PREX2: variants seen among roughly 807,000 people sequenced by gnomAD.
PREX2 encodes phosphatidylinositol 3,4,5-trisphosphate-dependent Rac exchanger 2 protein.
A neutral mutation model predicts 203.2 loss-of-function variants in PREX2; 107 were observed. The ratio of observed to expected loss-of-function variants is 0.53; its 90% CI spans 0.45 to 0.62. PREX2 has a LOEUF of 0.62. Among genes scored for constraint, PREX2 ranks in the 20% least tolerant of loss-of-function variants. The probability of loss-of-function intolerance (pLI) is 0.00; values close to 1 mark genes in which losing one functional copy is unlikely to be tolerated. For synonymous variants in PREX2, 672 were observed against 663.6 expected (o/e 1.01, Z -0.19); for missense variants, 1,777 against 1,955.9 (o/e 0.91, Z 1.72).
intron 35 of PREX2, among the ~76,000 whole-genome samples, chr8:68,160,576 T>G (rs1196675754): frequency 6.6e-6 from 1 of 152,150 alleles, no homozygotes; most frequent in Non-Finnish European, 1.5e-5. Flanking sequence ...ATAAGCCTAA[T>G]ATGTCTGTCT....
At chr8:67,987,912 A>AGT (rs71253049) in intron 1 of PREX2, among the ~76,000 whole-genome samples, 207 of 150,904 alleles carry the variant, frequency 1.4e-3, no homozygotes, top group East Asian at 6.1e-3. Flanking sequence ...GCAGCCAGGG[A>AGT]GTGTGTGTGT....
intron 15 of PREX2, among the ~76,000 whole-genome samples, chr8:68,079,351 C>CA (rs1221266178): frequency 6.6e-6 from 1 of 152,174 alleles, no homozygotes; most frequent in Non-Finnish European, 1.5e-5. Flanking sequence ...ATAATGAAAC[C>CA]AAATAGCTAT....
At chr8:68,098,260 A>G (rs1400298620) in intron 22 of PREX2, among the ~76,000 whole-genome samples, 5 of 152,170 alleles carry the variant, frequency 3.3e-5, no homozygotes, top group Non-Finnish European at 7.4e-5. Context: ...TCCTACCTTT[A>G]TGTCTCTGTT....
At chr8:68,104,178 T>C (rs1050722699) in intron 23 of PREX2, among the ~76,000 whole-genome samples, 12 of 152,172 alleles carry the variant, frequency 7.9e-5, no homozygotes, top group African/African-American at 2.9e-4. Flanking sequence ...CTTTCCTCCC[T>C]ACCTCTACTG....
intron 1 of PREX2, among the ~76,000 whole-genome samples, chr8:67,996,538 G>A (rs1426043099): frequency 6.6e-6 from 1 of 151,868 alleles, no homozygotes; most frequent in Non-Finnish European, 1.5e-5. Context: ...TCTACATAAG[G>A]GCCTTTTGTC....
At chr8:68,164,413 G>T (rs1385344230) in intron 35 of PREX2, among the ~76,000 whole-genome samples, 2 of 151,166 alleles carry the variant, frequency 1.3e-5, no homozygotes. Context: ...ATTAATATAT[G>T]TATATAATGT....
chr8:68,054,963 C>T (rs958089797), intron 9 of PREX2, among the ~76,000 whole-genome samples: 5 of 152,226 alleles, frequency 3.3e-5, no homozygotes, highest in African/African-American at 1.2e-4. Flanking sequence ...ATCAATAGTG[C>T]CTCCTAACTA....
chr8:68,210,740 T>C (rs1812727392), intron 37 of PREX2, among the ~76,000 whole-genome samples: 1 of 152,182 alleles, frequency 6.6e-6, no homozygotes, highest in Admixed American at 6.5e-5. Context: ...GAAGTGATTT[T>C]AGAATAAAAT....
chr8:68,031,727 C>A (rs949336315), intron 6 of PREX2, among the ~76,000 whole-genome samples: 2 of 152,104 alleles, frequency 1.3e-5, no homozygotes, highest in African/African-American at 4.8e-5. Flanking sequence ...CTCTTTCAGG[C>A]GGCTAAAATG....
intron 23 of PREX2, chr8:68,102,854 G>A (rs764880397): frequency 3.9e-6 from 2 of 518,446 alleles, no homozygotes; most frequent in South Asian, 1.4e-5. Context: ...TGTGAAACCT[G>A]GTCAGACCTT....
intron 1 of PREX2, among the ~76,000 whole-genome samples, chr8:67,974,516 C>T (rs1234981512): frequency 6.6e-6 from 1 of 152,084 alleles, no homozygotes; most frequent in Non-Finnish European, 1.5e-5. Flanking sequence ...TAGTTCATTA[C>T]ATTTTGGAGC....
chr8:68,118,659 G>T lies in PREX2; in HGVS notation c.3421+15G>T, dbSNP rs772574910. 8.2e-6 allele frequency: 13 copies of T among 1,579,162 alleles called. No individual in the cohort carries two copies. The highest frequency in any genetic ancestry group is 1.1e-5 in the Non-Finnish European group (13 of 1,148,336). ...AATGGACTCAGGTGTGTTCGTTGGT[G>T]AAGGCCTGTGGGCTTTTTGATATTA... On this transcript the variant is annotated intron_variant, in intron 27 of 39. Transcript: ENST00000288368.
intron 6 of PREX2, among the ~76,000 whole-genome samples, chr8:68,034,492 G>T (rs550269261): frequency 2.0e-5 from 3 of 152,168 alleles, no homozygotes. Context: ...TCCTTGATAC[G>T]CTTGTTTGGA....
At chr8:68,186,745 C>T (rs971211851) in intron 35 of PREX2, among the ~76,000 whole-genome samples, 1 of 152,128 alleles carries the variant, frequency 6.6e-6, no homozygotes, top group Non-Finnish European at 1.5e-5. Context: ...AACTCCTGAC[C>T]TCGTGATCCA....
intron 35 of PREX2, among the ~76,000 whole-genome samples, chr8:68,185,648 G>T (rs1812174116): frequency 6.6e-6 from 1 of 152,028 alleles, no homozygotes; most frequent in Non-Finnish European, 1.5e-5. Flanking sequence ...TTTTTGACTG[G>T]ATATATTTAT....
chr8:68,215,568 G>A (rs775075972), intron 37 of PREX2, among the ~76,000 whole-genome samples: 2 of 151,632 alleles, frequency 1.3e-5, no homozygotes, highest in Non-Finnish European at 2.9e-5. Flanking sequence ...ACAGAGTCTC[G>A]CTGTCGCCCA....
rs1813197019 is a variant in PREX2 at position 68,232,998 on chromosome 8, T to C, written c.*1620T>C. The stretch of plus-strand genomic sequence containing the variant: ...ACCTTTATCATTAACCATTATGTAT[T>C]GAATAACAAAAATACCATGTTACAT... On this transcript the variant is annotated 3_prime_UTR_variant, in exon 40 of 40. Transcript: ENST00000288368. 1 of 152,200 alleles carries C rather than the reference T, an allele frequency of 6.6e-6. No individual in the cohort carries two copies. Among genetic ancestry groups the C allele is most frequent in the Admixed American group, 6.5e-5 (1 of 15,284 alleles). The allele number at this position is 152,200 out of a possible 1,614,324, so 9.4% of individuals were successfully genotyped here. A position where few individuals can be genotyped will look rare whatever the true frequency, so the allele number is the denominator to read the frequency against.
rs71554623 is a variant in PREX2, at chr8:68,164,886, C to CTTTTT, written c.4346+7463_4346+7467dup. On this transcript the variant is annotated intron_variant, in intron 35 of 39. Coordinates refer to ENST00000288368, the MANE Select transcript of PREX2 (RefSeq NM_024870.4). ...TGTGAGCCACTGAGCCCGGCCAAAC[C>CTTTTT]TTTTTTTTTTTTTTTTTACCAAAGG... is the stretch of plus-strand genomic sequence containing the variant. Among the ~76,000 whole-genome samples the CTTTTT allele has an allele frequency of 4.4e-3, 590 of 133,754 alleles. 6 individuals are homozygous for CTTTTT. The highest frequency in any genetic ancestry group is 0.016 in the East Asian group (74 of 4,636). The allele number at this position is 133,754 out of a possible 152,430, so 87.7% of individuals were successfully genotyped here.
intron 7 of PREX2, among the ~76,000 whole-genome samples, chr8:68,040,289 G>C (rs1698707050): frequency 6.6e-6 from 1 of 152,000 alleles, no homozygotes; most frequent in Non-Finnish European, 1.5e-5. Context: ...GCCTCCCAAA[G>C]TGCTGGGACT....
Sources: gnomAD v4.1 joint callset for allele counts (sites outside exome capture counted in the v4.1 genomes callset) on GRCh38, gnomAD v4.1.1 for gene constraint, MANE v1.5 for transcripts, NCBI Gene and HGNC (gene_info 2026-07-23, HGNC 2026-07-21) for gene names.